SVIL: variants seen among roughly 807,000 people sequenced by gnomAD.
The protein encoded by SVIL is archvillin.
In SVIL, 101 loss-of-function variants were observed where a neutral mutation model predicts 240.4. The observed-to-expected ratio is 0.42, with a 90% CI of 0.36 to 0.50. The LOEUF is 0.50. Ranked by LOEUF, SVIL falls within the 20% of genes least tolerant of loss-of-function variation. SVIL has a pLI of 0.01. For synonymous variants in SVIL, 999 were observed against 1,100.0 expected, an observed-to-expected ratio of 0.91 and a Z score of 1.82; for missense variants, 2,512 against 2,818.7, an observed-to-expected ratio of 0.89 and a Z score of 2.46.
intron 1 of SVIL, among the ~76,000 whole-genome samples, chr10:29,571,283 T>A (rs11813484): frequency 0.021 from 3,189 of 152,342 alleles, 96 homozygotes; most frequent in African/African-American, 0.07. Flanking sequence ...AGCCCAGTGA[T>A]GGGACGTGGG....
At chr10:29,673,498 A>G (rs1027641069) in intron 2 of SVIL, among the ~76,000 whole-genome samples, 9 of 151,738 alleles carry the variant, frequency 5.9e-5, no homozygotes, top group Non-Finnish European at 8.8e-5. Flanking sequence ...ACAGTTCTGC[A>G]TAGTGTGGGA....
intron 5 of SVIL, 74 bp downstream of exon 5, chr10:29,554,709 C>T (rs1564631513): frequency 3.5e-6 from 5 of 1,433,316 alleles, no homozygotes; most frequent in Non-Finnish European, 4.6e-6. Flanking sequence ...GTTCTGATAC[C>T]ACTGGGTGGA....
At position 29,539,205 on chromosome 10, in the gene SVIL, A is replaced by AAAC. The variant is rs1475081326; in HGVS notation, c.828-3137_828-3136insGTT. Among the ~76,000 whole-genome samples, 334 of 152,248 alleles carry AAAC rather than the reference A, an allele frequency of 2.2e-3. 1 individual carries two copies. The highest frequency in any genetic ancestry group is 7.7e-3 in the African/African-American group (318 of 41,550). On this transcript the variant is annotated intron_variant, in intron 6 of 37. Transcript: ENST00000355867. Reference sequence around the variant, plus strand: ...TAAATAAATAAATAAATAAACAAACAAAGTATGTGAAGGCATCATGCCTAG... The same window carrying AAAC: ...TAAATAAATAAATAAATAAACAAACAAACAAGTATGTGAAGGCATCATGCCTAG...
Position 29,473,937 on chromosome 10 carries a change from C to T in SVIL, c.5430G>A (p.Lys1810=), listed in dbSNP as rs774290063. The change falls in exon 30 of 38, where the codon AAG becomes AAA. Residue 1810 remains lysine, a synonymous_variant. Coordinates refer to ENST00000355867, the MANE Select transcript of SVIL (RefSeq NM_021738.3). ...GGCCTTGCCAGAAGAAGTAGACGCA[C>T]TTCTCTTTGCCGGCTGCCCTCACCG... ...EHSVRAAGKE[K]CVYFFWQGRH... The T allele has an allele frequency of 6.2e-7, 1 of 1,614,098 alleles. No homozygotes were observed. Among genetic ancestry groups the T allele is most frequent in the Admixed American group, 1.7e-5 (1 of 60,020 alleles).
upstream of SVIL, among the ~76,000 whole-genome samples, chr10:29,637,721 G>A (rs1017503253): frequency 1.3e-5 from 2 of 152,186 alleles, no homozygotes; most frequent in East Asian, 1.9e-4. Flanking sequence ...AAAGCAATGA[G>A]CTTCTACCCA....
chr10:29,707,922 A>T (rs941478304), intron 1 of SVIL, among the ~76,000 whole-genome samples: 5 of 152,176 alleles, frequency 3.3e-5, no homozygotes, highest in African/African-American at 1.2e-4. Flanking sequence ...ATTTAAACTC[A>T]TGTAGTCTGG....
intron 3 of SVIL, among the ~76,000 whole-genome samples, chr10:29,560,995 G>A (rs1459651362): frequency 1.3e-5 from 2 of 151,850 alleles, no homozygotes; most frequent in Admixed American, 6.6e-5. Flanking sequence ...CTAATTTTTT[G>A]TATTTTTAGT....
At chr10:29,597,377 C>A (rs544399315) in intron 1 of SVIL, among the ~76,000 whole-genome samples, 1 of 152,036 alleles carries the variant, frequency 6.6e-6, no homozygotes. Flanking sequence ...GGCCTTCAGG[C>A]GCCCACCTGG....
intron 3 of SVIL, among the ~76,000 whole-genome samples, chr10:29,646,216 C>CTG (rs1314965277): frequency 1.3e-5 from 2 of 152,218 alleles, no homozygotes; most frequent in African/African-American, 4.8e-5. Flanking sequence ...CAGACACCCC[C>CTG]CTGCCCTGCA....
intron 1 of SVIL, among the ~76,000 whole-genome samples, chr10:29,584,069 G>A (rs1436596486): frequency 3.3e-5 from 5 of 152,218 alleles, no homozygotes; most frequent in African/African-American, 1.2e-4. Context: ...TGAGTGTGAC[G>A]AAGGAAGGCT....
At chr10:29,471,343 C>T (rs1305316418) in intron 30 of SVIL, 100 bp from the exon 31 acceptor site, 15 of 950,760 alleles carry the variant, frequency 1.6e-5, no homozygotes, top group East Asian at 2.7e-5. Context: ...AATACCAAGA[C>T]GTACAAACAA....
At chr10:29,566,999 C>A (rs1955028165) in intron 2 of SVIL, among the ~76,000 whole-genome samples, 1 of 152,154 alleles carries the variant, frequency 6.6e-6, no homozygotes, top group African/African-American at 2.4e-5. Context: ...GTGCTGTCCA[C>A]TTCATTTTCT....
At chr10:29,549,300 T>C (rs1276827563) in intron 6 of SVIL, among the ~76,000 whole-genome samples, 7 of 145,082 alleles carry the variant, frequency 4.8e-5, no homozygotes, top group Middle Eastern at 3.2e-3. Flanking sequence ...ATCAGAGAAA[T>C]GCAAATCAAA....
intron 17 of SVIL, among the ~76,000 whole-genome samples, chr10:29,502,576 C>T (rs995623955): frequency 6.6e-6 from 1 of 152,030 alleles, no homozygotes; most frequent in Non-Finnish European, 1.5e-5. Context: ...CCCATCTGTC[C>T]TTCATTCTTT....
chr10:29,734,805 T>C (rs1964803653), intron 1 of SVIL, among the ~76,000 whole-genome samples: 1 of 152,174 alleles, frequency 6.6e-6, no homozygotes, highest in African/African-American at 2.4e-5. Context: ...ATGCTGCCTC[T>C]GACATTTCTA....
In SVIL at chr10:29,669,352, G is replaced by C. The variant is rs138770098; in HGVS notation, c.-300-11284C>G. 4.9e-3 allele frequency among the ~76,000 whole-genome samples: 745 copies of C among 152,300 alleles called. 6 individuals carry two copies. Among genetic ancestry groups the C allele is most frequent in the South Asian group, 0.027 (132 of 4,826 alleles). On this transcript the variant is annotated intron_variant, in intron 2 of 35. Coordinates refer to the SVIL transcript ENST00000375400. ...GTGGCCAGTTTGGCTGGCGTGCAGT[G>C]AGTGAAAGGAAGAGAGCCCGGATAA... is the stretch of plus-strand genomic sequence containing the variant.
chr10:29,649,441 CCACA>C (rs1958769940), intron 3 of SVIL, among the ~76,000 whole-genome samples: 1 of 152,054 alleles, frequency 6.6e-6, no homozygotes, highest in Admixed American at 6.6e-5. Flanking sequence ...GTTTTTTAAA[CCACA>C]CACATAAGAA....
intron 3 of SVIL, among the ~76,000 whole-genome samples, chr10:29,561,584 ATT>A (rs199711026): frequency 3.1e-4 from 45 of 144,560 alleles, no homozygotes; most frequent in African/African-American, 9.1e-4. Context: ...CTCAGAGGAA[ATT>A]TTTTTTTTTT....
rs2132534146 is a variant in SVIL, at chr10:29,523,903, G to C, written c.2711C>G (p.Ala904Gly). ...AGAAAACTTATAGTCAGTGGCACTT[G>C]CATTGTGGTCAAGAGGTGGCTTTGT... ...LRTKPPLDHN[A>G]SATDYKFSSS... The change falls in exon 15 of 38, where the codon GCA becomes GGA. Residue 904 changes from alanine (A) to glycine (G), a missense_variant. Physicochemically the swap from Ala to Gly is moderately conservative, Grantham distance 60. Around this residue, in one of 3 missense-constraint regions of SVIL, gnomAD observed 1,443 missense variants for 1,486.6 expected, o/e 0.97. Coordinates refer to ENST00000355867, the MANE Select transcript of SVIL (RefSeq NM_021738.3). 6.2e-7 allele frequency: 1 copy of C among 1,614,184 alleles called. No individual in the cohort carries two copies. Among genetic ancestry groups the C allele is most frequent in the South Asian group, 1.1e-5 (1 of 91,088 alleles).
Sources: allele counts gnomAD v4.1 joint callset (sites outside exome capture counted in the v4.1 genomes callset), GRCh38; gene constraint gnomAD v4.1.1; regional missense constraint gnomAD v4.1.1; transcripts MANE v1.5; gene names NCBI Gene and HGNC (gene_info 2026-07-23, HGNC 2026-07-21).